UMAD1: variants seen among roughly 807,000 people sequenced by gnomAD.
The protein encoded by UMAD1 is UBAP1-MVB12-associated (UMA)-domain containing protein 1.
In UMAD1, 8 loss-of-function variants were observed where a neutral mutation model predicts 6.1. The ratio of observed to expected loss-of-function variants is 1.30; its 90% confidence interval spans 0.76 to 2.35. The LOEUF (loss-of-function observed/expected upper bound fraction) is 2.35. Among genes scored for constraint, UMAD1 ranks in the 30% most tolerant of loss-of-function variants. The pLI is 0.00. For missense variants in UMAD1, 130 were observed against 78.4 expected (o/e 1.66, Z -2.49); for synonymous variants, 56 against 31.4 (o/e 1.78, Z -2.61).
intron 3 of UMAD1, among the ~76,000 whole-genome samples, chr7:7,819,817 C>G (rs569618324): frequency 1.3e-5 from 2 of 152,164 alleles, no homozygotes; most frequent in Non-Finnish European, 2.9e-5. Context: ...TCCGGGTACA[C>G]TGTTGAAATA....
intron 2 of UMAD1, among the ~76,000 whole-genome samples, chr7:7,798,541 A>G (rs751201207): frequency 2.6e-5 from 4 of 152,220 alleles, no homozygotes; most frequent in East Asian, 3.8e-4. Flanking sequence ...AAGAAAACAG[A>G]TAATCTATGG....
chr7:7,869,256 A>AG (rs1317648436), intron 3 of UMAD1, among the ~76,000 whole-genome samples: 1 of 108,360 alleles, frequency 9.2e-6, no homozygotes, highest in Non-Finnish European at 2.0e-5. Context: ...AGCAGATACC[A>AG]GCTGAAGCCA....
intron 2 of UMAD1, among the ~76,000 whole-genome samples, chr7:7,733,107 AGT>A (rs1174769261): frequency 6.6e-6 from 1 of 152,176 alleles, no homozygotes; most frequent in Non-Finnish European, 1.5e-5. Flanking sequence ...GTGGACAAAG[AGT>A]GTTGTAATCT....
At chr7:7,808,945 C>T (rs1037285959) in intron 3 of UMAD1, among the ~76,000 whole-genome samples, 19 of 151,898 alleles carry the variant, frequency 1.3e-4, no homozygotes, top group African/African-American at 4.6e-4. Flanking sequence ...TGTGGTTATA[C>T]TGACAGAAGA....
Position 7,877,428 on chromosome 7 carries a change from G to C in UMAD1, c.304G>C (p.Gly102Arg), listed in dbSNP as rs1784442056. 1.4e-6 allele frequency: 1 copy of C among 717,684 alleles called. No individual in the cohort carries two copies. Among genetic ancestry groups the C allele is most frequent in the Non-Finnish European group, 2.6e-6 (1 of 385,152 alleles). The allele number at this position is 717,684 out of a possible 1,614,324, so 44.5% of individuals were successfully genotyped here. ...GGCCCCGCATGTGCTGGCAGTACAG[G>C]GCACCATCACTGACCTTCCCGACCA... Reference protein sequence around the residue: ...TLAPHVLAVQGTITDLPDHLL... With the variant: ...TLAPHVLAVQRTITDLPDHLL... The change falls in exon 4 of 4, where the codon GGC becomes CGC. Residue 102 changes from glycine (G) to arginine (R), a missense_variant. Physicochemically the swap from Gly to Arg is moderately radical, Grantham distance 125. Transcript: ENST00000682710.
chr7:7,667,121 C>T (rs1487601376), intron 1 of UMAD1, among the ~76,000 whole-genome samples: 1 of 152,162 alleles, frequency 6.6e-6, no homozygotes, highest in African/African-American at 2.4e-5. Context: ...CAGGTGAATT[C>T]TTTATCCCCC....
At chr7:7,676,305 A>G in intron 2 of UMAD1, 1 of 394,684 alleles carries the variant, frequency 2.5e-6, no homozygotes, top group East Asian at 3.6e-5. Context: ...AAATGAGTTA[A>G]TGTGTGTAAA....
At chr7:7,841,491 T>G (rs1470378961) in intron 3 of UMAD1, among the ~76,000 whole-genome samples, 6 of 151,794 alleles carry the variant, frequency 4.0e-5, no homozygotes, top group Admixed American at 3.9e-4. Context: ...TTTTGTAGAG[T>G]TGGGTTCTCC....
intron 3 of UMAD1, among the ~76,000 whole-genome samples, chr7:7,815,402 T>C (rs142619083): frequency 1.0e-3 from 154 of 151,968 alleles, no homozygotes; most frequent in African/African-American, 3.7e-3. Flanking sequence ...CATGCCAGAG[T>C]AGAGTAGAAT....
chr7:7,673,878 TTAAA>T lies in UMAD1; in HGVS notation c.82+428_82+431del, dbSNP rs746560159. ...AAGTAGACTTTAAAATCTAAATATG[TTAAA>T]TAGTGTTTCCTGTTTAAGACTATTT... On this transcript the variant is annotated intron_variant, in intron 2 of 3. Coordinates refer to ENST00000682710, the MANE Select transcript of UMAD1 (RefSeq NM_001302348.2). 2.5e-4 allele frequency among the ~76,000 whole-genome samples: 38 copies of T among 152,338 alleles called. No individual in the cohort carries two copies. In the South Asian group the frequency reaches 4.6e-3, roughly 18 times the overall value.
chr7:7,733,811 G>A (rs973606339), intron 2 of UMAD1, among the ~76,000 whole-genome samples: 2 of 151,468 alleles, frequency 1.3e-5, no homozygotes, highest in Non-Finnish European at 2.9e-5. Flanking sequence ...AATCTAGATA[G>A]CATACACCAA....
chr7:7,741,252 G>C (rs1234575447), intron 2 of UMAD1: 1 of 151,220 alleles, frequency 6.6e-6, no homozygotes, highest in Non-Finnish European at 1.5e-5. Context: ...TTCCTTTAAA[G>C]AGCAAGGAAA....
intron 3 of UMAD1, among the ~76,000 whole-genome samples, chr7:7,869,844 G>C (rs1381798422): frequency 1.3e-5 from 2 of 152,188 alleles, no homozygotes; most frequent in Non-Finnish European, 2.9e-5. Flanking sequence ...ACACCCAAGA[G>C]CGAGGTTCAC....
chr7:7,849,284 T>C (rs1402879441), intron 3 of UMAD1, among the ~76,000 whole-genome samples: 1 of 152,184 alleles, frequency 6.6e-6, no homozygotes, highest in Admixed American at 6.5e-5. Flanking sequence ...CCACAGTTGC[T>C]TTTCTTGTGT....
intron 2 of UMAD1, among the ~76,000 whole-genome samples, chr7:7,751,457 T>A (rs1299392690): frequency 6.6e-6 from 1 of 152,208 alleles, no homozygotes; most frequent in Non-Finnish European, 1.5e-5. Flanking sequence ...CCTGTGTGAA[T>A]CTCAATTTTG....
intron 3 of UMAD1, among the ~76,000 whole-genome samples, chr7:7,853,685 G>A (rs1418121219): frequency 6.6e-6 from 1 of 151,938 alleles, no homozygotes; most frequent in Admixed American, 6.6e-5. Flanking sequence ...GAACTTATTT[G>A]TTCCAATAGT....
At chr7:7,696,840 C>CTT (rs113254851) in intron 2 of UMAD1, among the ~76,000 whole-genome samples, 2 of 146,856 alleles carry the variant, frequency 1.4e-5, no homozygotes, top group African/African-American at 5.0e-5. Flanking sequence ...CTTTCTTCTT[C>CTT]TTTTTTTTTT....
intron 2 of UMAD1, among the ~76,000 whole-genome samples, chr7:7,724,664 A>C (rs771152655): frequency 5.3e-5 from 8 of 152,210 alleles, no homozygotes; most frequent in Non-Finnish European, 1.0e-4. Context: ...GGAGAATGAC[A>C]GTGGATTATT....
chr7:7,805,109 G>C (rs929378908), intron 3 of UMAD1, among the ~76,000 whole-genome samples: 4 of 152,128 alleles, frequency 2.6e-5, no homozygotes, highest in Admixed American at 2.6e-4. Context: ...TTTAAATTCT[G>C]TGTAGAAGTT....
Sources: gnomAD v4.1 joint callset for allele counts (sites outside exome capture counted in the v4.1 genomes callset) on GRCh38, gnomAD v4.1.1 for gene constraint, MANE v1.5 for transcripts, NCBI Gene and HGNC (gene_info 2026-07-23, HGNC 2026-07-21) for gene names.